SNN: variants seen among roughly 807,000 people sequenced by gnomAD.
SNN encodes AG8_1.
A neutral mutation model predicts 5.3 loss-of-function variants in SNN; 5 were observed. The observed-to-expected ratio is 0.94, with a 90% CI of 0.49 to 1.97. The LOEUF is 1.97. SNN is among the 30% of genes most tolerant of loss of function. The pLI is 0.01. For missense variants in SNN, 127 were observed against 121.6 expected, an observed-to-expected ratio of 1.04 and a Z score of -0.21; for synonymous variants, 67 against 52.1, an observed-to-expected ratio of 1.29 and a Z score of -1.24.
Position 11,675,800 on chromosome 16 carries a change from G to A in SNN, c.-85-175G>A, listed in dbSNP as rs898196784. Reference sequence around the variant, plus strand: ...TCACCTGCCTGGTACAGCAGCACTCGGGGTTTCAAAGGTCATGAACAGGAG... The same window carrying A: ...TCACCTGCCTGGTACAGCAGCACTCAGGGTTTCAAAGGTCATGAACAGGAG... On this transcript the variant is annotated intron_variant, in intron 1 of 1. Transcript: ENST00000329565. Among the ~76,000 whole-genome samples the A allele has an allele frequency of 1.6e-4, 25 of 152,344 alleles. 1 individual carries two copies. The highest frequency in any genetic ancestry group is 5.3e-4 in the African/African-American group (22 of 41,576).
In SNN at chr16:11,678,107, CTGA is replaced by C. The variant is rs1287978916; in HGVS notation, c.*1784_*1786del. 2 of 167,100 alleles carry C rather than the reference CTGA, an allele frequency of 1.2e-5. No homozygotes were observed. The highest frequency in any genetic ancestry group is 3.8e-4 in the East Asian group (2 of 5,202). 10.4% of individuals were successfully genotyped at this position (167,100 alleles called of 1,614,324 possible). ...GCAGGAGAGGCAACACCTCTGGCTACTGATGGTGTGGCAAGTTCAGAAGAGGTG... is the reference window on the plus strand; with the variant it reads ...GCAGGAGAGGCAACACCTCTGGCTACTGGTGTGGCAAGTTCAGAAGAGGTG... On this transcript the variant is annotated 3_prime_UTR_variant, in exon 2 of 2. Coordinates refer to ENST00000329565, the MANE Select transcript of SNN (RefSeq NM_003498.6).
At position 11,668,833 on chromosome 16, in the gene SNN, G is replaced by A. The variant is rs1360832948; in HGVS notation, c.-86+293G>A. Among the ~76,000 whole-genome samples the A allele has an allele frequency of 6.6e-6, 1 of 151,430 alleles. No individual in the cohort carries two copies. The highest frequency in any genetic ancestry group is 2.4e-5 in the African/African-American group (1 of 41,282). On this transcript the variant is annotated intron_variant, in intron 1 of 1. Transcript: ENST00000329565. The surrounding 1 kb of genome is among the most constrained non-coding windows in gnomAD (Gnocchi z 6.8). ...GATCGCGGGGCGCTCGCCCCCGCCC[G>A]TGCAGCCCCCGCCCGTCCTCAGCTA...
chr16:11,671,838 C>T lies in SNN; in HGVS notation c.-86+3298C>T, dbSNP rs996122935. 2.6e-5 allele frequency among the ~76,000 whole-genome samples: 4 copies of T among 152,194 alleles called. No homozygotes were observed. Among genetic ancestry groups the T allele is most frequent in the South Asian group, 2.1e-4 (1 of 4,832 alleles). On this transcript the variant is annotated intron_variant, in intron 1 of 1. Coordinates refer to ENST00000329565, the MANE Select transcript of SNN (RefSeq NM_003498.6). This position sits in a 1 kb window ranked among gnomAD's most constrained non-coding sequence, Gnocchi z 4.7. ...GCTTGTGGGGACCTGCTGCCCTCCG[C>T]GCTTTGAGTTTCCCGGGGCTCTGCT...
rs1444269853 is a variant in SNN at position 11,671,949 on chromosome 16, A to G, written c.-86+3409A>G. Among the ~76,000 whole-genome samples the G allele has an allele frequency of 1.3e-5, 2 of 151,910 alleles. No individual in the cohort carries two copies. The highest frequency in any genetic ancestry group is 2.9e-5 in the Non-Finnish European group (2 of 67,954). ...CTCAGGCCTGCCCTAATCCACTGGC[A>G]CTCGCCGTTCTGTCCCCACACTAGG... On this transcript the variant is annotated intron_variant, in intron 1 of 1. Transcript: ENST00000329565. The surrounding 1 kb of genome is among the most constrained non-coding windows in gnomAD (Gnocchi z 4.7).
chr16:11,671,323 G>A lies in SNN; in HGVS notation c.-86+2783G>A, dbSNP rs2050264843. Among the ~76,000 whole-genome samples, 1 of 152,100 alleles carries A rather than the reference G, an allele frequency of 6.6e-6. No individual in the cohort carries two copies. The highest frequency in any genetic ancestry group is 2.1e-4 in the South Asian group (1 of 4,830). ...CATGGAGCAGGAGGGTGTGTGTTTG[G>A]GGGATCCAGATGGCCTTGGGCTTCA... On this transcript the variant is annotated intron_variant, in intron 1 of 1. Coordinates refer to ENST00000329565, the MANE Select transcript of SNN (RefSeq NM_003498.6). This position sits in a 1 kb window ranked among gnomAD's most constrained non-coding sequence, Gnocchi z 4.7.
chr16:11,679,102 A>C lies in SNN; in HGVS notation c.*2776A>C. 2 of 1,352,684 alleles carry C rather than the reference A, an allele frequency of 1.5e-6. No homozygotes were observed. Among genetic ancestry groups the C allele is most frequent in the South Asian group, 2.8e-5 (2 of 71,640 alleles). 83.8% of individuals were successfully genotyped at this position (1,352,684 alleles called of 1,614,324 possible). ...AGCTGATTTTCTAGACCACTGAGAAAATCTTTATTTACAATAAATTTCAAT... is the reference window on the plus strand; with the variant it reads ...AGCTGATTTTCTAGACCACTGAGAACATCTTTATTTACAATAAATTTCAAT... On this transcript the variant is annotated 3_prime_UTR_variant, in exon 2 of 2. Transcript: ENST00000329565. The surrounding 1 kb of genome is among the most constrained non-coding windows in gnomAD (Gnocchi z 4.6).
At position 11,672,622 on chromosome 16, in the gene SNN, G is replaced by A. The variant is rs1362056038; in HGVS notation, c.-85-3353G>A. 2.0e-5 allele frequency among the ~76,000 whole-genome samples: 3 copies of A among 152,198 alleles called. No individual in the cohort carries two copies. Among genetic ancestry groups the A allele is most frequent in the Non-Finnish European group, 4.4e-5 (3 of 68,036 alleles). On this transcript the variant is annotated intron_variant, in intron 1 of 1. Transcript: ENST00000329565. This position sits in a 1 kb window ranked among gnomAD's most constrained non-coding sequence, Gnocchi z 6.0. ...GGAAACATTTGCTGAGTGAATGAAG[G>A]AACAGATACGCACTCGGGAGGGCCG...
Position 11,676,145 on chromosome 16 carries a change from T to G in SNN, c.86T>G (p.Ile29Ser). The G allele has an allele frequency of 2.5e-6, 4 of 1,614,208 alleles. No homozygotes were observed. Among genetic ancestry groups the G allele is most frequent in the Non-Finnish European group, 3.4e-6 (4 of 1,180,024 alleles). Residue 29 changes from isoleucine to serine, a missense_variant, in exon 2 of 2, where the codon ATC (isoleucine) becomes AGC (serine). Coordinates refer to ENST00000329565, the MANE Select transcript of SNN (RefSeq NM_003498.6). ...LIAIAALGAL[I>S]LGCWCYLRLQ... ...GCCATCGCGGCCCTGGGGGCCTTGATCCTGGGCTGCTGGTGCTACCTGCGG... is the reference window on the plus strand; with the variant it reads ...GCCATCGCGGCCCTGGGGGCCTTGAGCCTGGGCTGCTGGTGCTACCTGCGG...
rs748525605 is a variant in SNN, at chr16:11,676,651, C to T, written c.*325C>T. ...TACTGTAATGCGTGAACTAACAAAC[C>T]TGTGAACTGTAAATAGGCCCCTGGA... On this transcript the variant is annotated 3_prime_UTR_variant, in exon 2 of 2. Transcript: ENST00000329565. The T allele has an allele frequency of 3.0e-6, 1 of 328,600 alleles. No homozygotes were observed. The highest frequency in any genetic ancestry group is 6.0e-6 in the Non-Finnish European group (1 of 166,384). The allele number at this position is 328,600 out of a possible 1,614,324, so 20.4% of individuals were successfully genotyped here.
intron 1 of SNN, among the ~76,000 whole-genome samples, chr16:11,670,995 A>G (rs967950615): frequency 1.3e-5 from 2 of 152,242 alleles, no homozygotes; most frequent in African/African-American, 2.4e-5. Context: ...CAAACCCGGC[A>G]GGACAGTGTC....
intron 1 of SNN, among the ~76,000 whole-genome samples, chr16:11,675,420 A>C (rs2050294568): frequency 1.3e-5 from 2 of 151,680 alleles, no homozygotes; most frequent in Non-Finnish European, 2.9e-5. Flanking sequence ...CGCATGTGCC[A>C]CCATGCCCAG....
rs567021772 is a variant in SNN at position 11,674,377 on chromosome 16, G to GCC, written c.-85-1597_-85-1596dup. ...TCTTGGGACTCCAGAGAACCTGCCA[G>GCC]CCTCAGCACTGCGGGGCAGCAGAGG... On this transcript the variant is annotated intron_variant, in intron 1 of 1. Transcript: ENST00000329565. 5.3e-5 allele frequency among the ~76,000 whole-genome samples: 8 copies of GCC among 152,362 alleles called. No individual in the cohort carries two copies. The East Asian group carries it at 1.5e-3, about 29-fold the overall frequency.
At position 11,672,209 on chromosome 16, in the gene SNN, G is replaced by A. The variant is rs2050270033; in HGVS notation, c.-86+3669G>A. Among the ~76,000 whole-genome samples the A allele has an allele frequency of 6.6e-6, 1 of 152,186 alleles. No homozygotes were observed. Among genetic ancestry groups the A allele is most frequent in the East Asian group, 1.9e-4 (1 of 5,194 alleles). On this transcript the variant is annotated intron_variant, in intron 1 of 1. Transcript: ENST00000329565. The surrounding 1 kb of genome is among the most constrained non-coding windows in gnomAD (Gnocchi z 6.0). ...CCGTGCAGGGCAGGGGTACAGCTGTGGGCGGGACAGACGGTGCCCTCCTTG... is the reference window on the plus strand; with the variant it reads ...CCGTGCAGGGCAGGGGTACAGCTGTAGGCGGGACAGACGGTGCCCTCCTTG...
Position 11,668,981 on chromosome 16 carries a change from G to GGCCA in SNN, c.-86+442_-86+443insCCAG, listed in dbSNP as rs1258281005. On this transcript the variant is annotated intron_variant, in intron 1 of 1. Transcript: ENST00000329565. This position sits in a 1 kb window ranked among gnomAD's most constrained non-coding sequence, Gnocchi z 6.8. ...TCTCGCGGGTAGGGAAACTGAGGCC[G>GGCCA]GGCCGCAGCGTTCGGCGCCCGGTTC... 1.3e-5 allele frequency among the ~76,000 whole-genome samples: 2 copies of GGCCA among 152,118 alleles called. No homozygotes were observed. The highest frequency in any genetic ancestry group is 2.9e-5 in the Non-Finnish European group (2 of 67,992).
rs2050305109 is a variant in SNN at position 11,676,434 on chromosome 16, G to T, written c.*108G>T. On this transcript the variant is annotated 3_prime_UTR_variant, in exon 2 of 2. Transcript: ENST00000329565. ...CTGAGAGGAAGGGCTGACACTTGCT[G>T]GCATGGCCTCTGCGGGCTTCGTCAT... 8 of 1,349,336 alleles carry T rather than the reference G, an allele frequency of 5.9e-6. No individual in the cohort carries two copies. In the South Asian group the frequency reaches 1.1e-4, roughly 19 times the overall value. The allele number at this position is 1,349,336 out of a possible 1,614,324, so 83.6% of individuals were successfully genotyped here.
At chr16:11,669,828 C>T (rs1313623194) in intron 1 of SNN, among the ~76,000 whole-genome samples, 1 of 152,116 alleles carries the variant, frequency 6.6e-6, no homozygotes, top group Non-Finnish European at 1.5e-5. Context: ...TGCGGGCTCC[C>T]GCTTCCTCTT....
chr16:11,670,063 A>G (rs2050257415), intron 1 of SNN, among the ~76,000 whole-genome samples: 1 of 152,202 alleles, frequency 6.6e-6, no homozygotes, highest in Non-Finnish European at 1.5e-5. Context: ...GGCCCAGGGC[A>G]GAACGGACGT....
rs147355573 is a variant in SNN at position 11,676,221 on chromosome 16, G to C, written c.162G>C (p.Gly54=). 8.1e-6 allele frequency: 13 copies of C among 1,614,102 alleles called. No individual in the cohort carries two copies. The highest frequency in any genetic ancestry group is 1.1e-5 in the Non-Finnish European group (13 of 1,180,048). Residue 54 remains glycine, a synonymous_variant, in exon 2 of 2, where the codon GGG becomes GGC. Transcript: ENST00000329565. ...ACGAGGAGAGCATCGTGGGGGATGGGGAGACCAAGGAACCCTTCCTGCTGG... is the reference window on the plus strand; with the variant it reads ...ACGAGGAGAGCATCGTGGGGGATGGCGAGACCAAGGAACCCTTCCTGCTGG... ...SEDEESIVGD[G]ETKEPFLLVQ...
At chr16:11,670,222 G>C (rs1243459479) in intron 1 of SNN, among the ~76,000 whole-genome samples, 1 of 152,270 alleles carries the variant, frequency 6.6e-6, no homozygotes. Context: ...GGCTTTATGG[G>C]GGGAGGCAGT....
Sources: allele counts gnomAD v4.1 joint callset (sites outside exome capture counted in the v4.1 genomes callset), GRCh38; gene constraint gnomAD v4.1.1; non-coding constraint Gnocchi (gnomAD v3.1); transcripts MANE v1.5; gene names NCBI Gene and HGNC (gene_info 2026-07-23, HGNC 2026-07-21).